Variants in RDH13 observed in about 807,000 individuals in gnomAD.
The protein encoded by RDH13 is retinol dehydrogenase 13, also known as retinol dehydrogenase 13 (all-trans and 9-cis).
A neutral mutation model predicts 28.3 loss-of-function variants in RDH13; 35 were observed. That is an observed-to-expected ratio of 1.24 (90% CI 0.95 to 1.64). The LOEUF is 1.64. RDH13 is among the 40% of genes most tolerant of loss of function. RDH13 has a pLI of 0.00. For missense variants in RDH13, 514 were observed against 446.3 expected (o/e 1.15, Z -1.37); for synonymous variants, 229 against 198.5 (o/e 1.15, Z -1.29).
At chr19:55,048,281 T>C in intron 5 of RDH13, 48 bp downstream of exon 5, 7 of 1,610,602 alleles carry the variant, frequency 4.3e-6, no homozygotes, top group Non-Finnish European at 5.9e-6. Flanking sequence ...AAGGCCGCTC[T>C]AGGCTCAGAG....
chr19:55,058,320 G>A (rs984997404), intron 2 of RDH13, among the ~76,000 whole-genome samples: 7 of 151,060 alleles, frequency 4.6e-5, no homozygotes, highest in Admixed American at 4.0e-4. Flanking sequence ...CCCGGGAGGC[G>A]AAGGTTGCAG....
chr19:55,049,562 G>A (rs1329573749), intron 3 of RDH13, among the ~76,000 whole-genome samples: 1 of 152,146 alleles, frequency 6.6e-6, no homozygotes, highest in African/African-American at 2.4e-5. Context: ...GGCCGAGGTG[G>A]GCAGATCACC....
Position 55,044,940 on chromosome 19 carries a change from T to TAGAACC in RDH13, c.*128_*133dup, listed in dbSNP as rs1344474895. The TAGAACC allele has an allele frequency of 6.0e-6, 4 of 667,716 alleles. No individual in the cohort carries two copies. In the East Asian group the frequency reaches 8.2e-5, roughly 14 times the overall value. The allele number at this position is 667,716 out of a possible 1,614,324, so 41.4% of individuals were successfully genotyped here. ...GTCCACTGCGGCCAGCACCGCCCCC[T>TAGAACC]AGAACCTACTGCGGGCATGGCGGCC... On this transcript the variant is annotated 3_prime_UTR_variant, in exon 7 of 7. Coordinates refer to ENST00000415061, the MANE Select transcript of RDH13 (RefSeq NM_001145971.2).
chr19:55,056,830 A>T, intron 2 of RDH13, 22 bp from the exon 3 acceptor site: 1 of 1,602,200 alleles, frequency 6.2e-7, no homozygotes, highest in Non-Finnish European at 8.5e-7. Flanking sequence ...GGATGGAAAA[A>T]GATTTAAATT....
intron 3 of RDH13, among the ~76,000 whole-genome samples, chr19:55,051,729 GT>G (rs79209121): frequency 0.027 from 3,904 of 143,474 alleles, 63 homozygotes; most frequent in Non-Finnish European, 0.035. Context: ...CGCCCAGCCT[GT>G]TTTTTTTTTT....
rs951356559 is a variant in RDH13 at position 55,045,017 on chromosome 19, C to T, written c.*57G>A. ...TAGTGCCAGGAAGCTGCGGGCATGG[C>T]GGACAGCTGTCCTCGGTCTGGAGGC... On this transcript the variant is annotated 3_prime_UTR_variant, in exon 7 of 7. Transcript: ENST00000415061. 6.1e-5 allele frequency: 80 copies of T among 1,315,922 alleles called. 1 individual carries two copies. Among genetic ancestry groups the T allele is most frequent in the Admixed American group, 5.2e-4 (24 of 46,162 alleles). The allele number at this position is 1,315,922 out of a possible 1,614,324, so 81.5% of individuals were successfully genotyped here. A position where few individuals can be genotyped will look rare whatever the true frequency, so the allele number is the denominator to read the frequency against.
intron 3 of RDH13, among the ~76,000 whole-genome samples, chr19:55,053,258 T>G (rs912070720): frequency 6.6e-6 from 1 of 152,236 alleles, no homozygotes; most frequent in African/African-American, 2.4e-5. Flanking sequence ...ATCTTCACTA[T>G]TTTTAAATCC....
At chr19:55,048,817 G>T in intron 3 of RDH13, 54 bp from the exon 4 acceptor site, 1 of 1,446,334 alleles carries the variant, frequency 6.9e-7, no homozygotes, top group Non-Finnish European at 9.7e-7. Flanking sequence ...ACCCCAGCCT[G>T]ATGCACCAGC....
At chr19:55,060,347 G>A (rs1228104619) in intron 1 of RDH13, among the ~76,000 whole-genome samples, 1 of 151,858 alleles carries the variant, frequency 6.6e-6, no homozygotes, top group Admixed American at 6.6e-5. Flanking sequence ...TGAGATGTTT[G>A]GGTGGAGAGA....
At chr19:55,064,888 C>T (rs1229542992), upstream of RDH13, among the ~76,000 whole-genome samples, 1 of 145,838 alleles carries the variant, frequency 6.9e-6, no homozygotes, top group Non-Finnish European at 1.5e-5. Flanking sequence ...GCTGGGATTA[C>T]AGGCATGAGC....
chr19:55,050,403 C>T (rs1165980047), intron 3 of RDH13, among the ~76,000 whole-genome samples: 1 of 152,156 alleles, frequency 6.6e-6, no homozygotes, highest in African/African-American at 2.4e-5. Flanking sequence ...GCGTGAGCCA[C>T]CACACTCAGT....
At chr19:55,050,519 G>A (rs1189114122) in intron 3 of RDH13, among the ~76,000 whole-genome samples, 1 of 151,858 alleles carries the variant, frequency 6.6e-6, no homozygotes, top group Non-Finnish European at 1.5e-5. Flanking sequence ...AACCTCCCAG[G>A]CTCAAGCAGT....
At chr19:55,039,915 A>G (rs1329759721), downstream of RDH13, among the ~76,000 whole-genome samples, 1 of 152,222 alleles carries the variant, frequency 6.6e-6, no homozygotes, top group Non-Finnish European at 1.5e-5. Flanking sequence ...ACATTATGCT[A>G]AAGGAAATAT....
intron 3 of RDH13, among the ~76,000 whole-genome samples, chr19:55,051,838 TC>T (rs2075449928): frequency 6.6e-6 from 1 of 151,572 alleles, no homozygotes; most frequent in African/African-American, 2.4e-5. Flanking sequence ...GCTCAAACGA[TC>T]CTCCCACCTC....
intron 3 of RDH13, among the ~76,000 whole-genome samples, chr19:55,054,376 A>C (rs1439956817): frequency 6.6e-6 from 1 of 152,054 alleles, no homozygotes; most frequent in Admixed American, 6.6e-5. Flanking sequence ...CAGGCGGATC[A>C]CAAGGTCAGG....
chr19:55,059,120 G>A (rs771759709), intron 2 of RDH13, 37 bp downstream of exon 2: 54 of 1,344,746 alleles, frequency 4.0e-5, no homozygotes, highest in Non-Finnish European at 5.6e-5. Flanking sequence ...TGGATGTACA[G>A]ATATCTCTCT....
intron 2 of RDH13, 42 bp downstream of exon 2, chr19:55,059,115 G>A: frequency 1.6e-6 from 2 of 1,289,568 alleles, no homozygotes; most frequent in African/African-American, 1.5e-5. Flanking sequence ...GAGCATGGAT[G>A]TACAGATATC....
upstream of RDH13, among the ~76,000 whole-genome samples, chr19:55,067,993 A>C (rs1008132970): frequency 1.4e-4 from 17 of 120,668 alleles, no homozygotes; most frequent in South Asian, 2.8e-4. Flanking sequence ...TCTGTCTCAT[A>C]TCTCTCTCAT....
rs2147080193 is a variant in RDH13, at chr19:55,063,113, A to G, written c.-81T>C. 1.7e-6 allele frequency: 2 copies of G among 1,206,700 alleles called. No individual in the cohort carries two copies. The highest frequency in any genetic ancestry group is 2.1e-6 in the Non-Finnish European group (2 of 945,290). 74.7% of individuals were successfully genotyped at this position (1,206,700 alleles called of 1,614,324 possible). On this transcript the variant is annotated 5_prime_UTR_variant, in exon 1 of 7. Coordinates refer to ENST00000415061, the MANE Select transcript of RDH13 (RefSeq NM_001145971.2). ...CCAGCCGCCTGGGTAGCTCCGAGGA[A>G]GAGCGCGCGACGCAGCCACAGGCGA... is the stretch of plus-strand genomic sequence containing the variant.
Sources: gnomAD v4.1 joint callset for allele counts (sites outside exome capture counted in the v4.1 genomes callset) on GRCh38, gnomAD v4.1.1 for gene constraint, MANE v1.5 for transcripts, NCBI Gene and HGNC (gene_info 2026-07-23, HGNC 2026-07-21) for gene names.